Variants in SPATA31H1 observed in about 807,000 individuals in gnomAD.
The protein encoded by SPATA31H1 is SPATA31 subfamily H member 1.
the SPATA31H1 span, among the ~76,000 whole-genome samples, chr2:27,550,009 A>T: frequency 6.6e-6 from 1 of 151,856 alleles, no homozygotes; most frequent in Non-Finnish European, 1.5e-5. Flanking sequence ...AAAGATTTTT[A>T]TAAATTGACT....
At chr2:27,552,047 G>A in the SPATA31H1 span, among the ~76,000 whole-genome samples, 2 of 151,762 alleles carry the variant, frequency 1.3e-5, no homozygotes, top group Admixed American at 6.6e-5. Flanking sequence ...ATCTCTTGAC[G>A]TCATGATCCA....
the SPATA31H1 span, chr2:27,578,195 G>T: frequency 6.2e-7 from 1 of 1,614,146 alleles, no homozygotes; most frequent in East Asian, 2.2e-5. Flanking sequence ...AATATATTGA[G>T]TTGACTCCAA....
the SPATA31H1 span, among the ~76,000 whole-genome samples, chr2:27,555,702 T>C: frequency 6.6e-6 from 1 of 152,062 alleles, no homozygotes; most frequent in East Asian, 1.9e-4. Context: ...AATATCTAGG[T>C]AGGCACTTAG....
chr2:27,581,946 A>T, the SPATA31H1 span: 2 of 1,613,464 alleles, frequency 1.2e-6, no homozygotes, highest in Non-Finnish European at 1.7e-6. Context: ...AAGCCATCAC[A>T]GTCCCTCTGA....
the SPATA31H1 span, chr2:27,574,614 G>T: frequency 2.5e-6 from 1 of 398,450 alleles, no homozygotes; most frequent in South Asian, 1.3e-4. Context: ...TTTCAATTCT[G>T]GACAACAGAC....
chr2:27,578,829 C>T, the SPATA31H1 span: 5 of 1,614,146 alleles, frequency 3.1e-6, no homozygotes, highest in Non-Finnish European at 4.2e-6. Context: ...ATTAGGAGGA[C>T]TTTGGGATTC....
chr2:27,542,203 C>A, the SPATA31H1 span, among the ~76,000 whole-genome samples: 1 of 151,950 alleles, frequency 6.6e-6, no homozygotes, highest in African/African-American at 2.4e-5. Flanking sequence ...TCGAGACCAG[C>A]CTGGCAAACA....
At chr2:27,550,394 G>A in the SPATA31H1 span, among the ~76,000 whole-genome samples, 1 of 141,542 alleles carries the variant, frequency 7.1e-6, no homozygotes, top group Admixed American at 7.0e-5. Flanking sequence ...AATAGTTTTA[G>A]TATGAATGGG....
At chr2:27,579,219 C>G in the SPATA31H1 span, 3 of 1,614,072 alleles carry the variant, frequency 1.9e-6, no homozygotes, top group Non-Finnish European at 1.7e-6. Flanking sequence ...CTGGAGGCAG[C>G]GACTACCAAG....
the SPATA31H1 span, chr2:27,582,501 G>T: frequency 6.2e-7 from 1 of 1,610,356 alleles, no homozygotes; most frequent in Admixed American, 1.7e-5. Flanking sequence ...AGCAGGGCAA[G>T]TGTGGAGGCC....
the SPATA31H1 span, chr2:27,580,602 C>T: frequency 6.2e-7 from 1 of 1,614,130 alleles, no homozygotes; most frequent in South Asian, 1.1e-5. Flanking sequence ...ACCTAAGAAA[C>T]CTTCCCAACC....
At chr2:27,560,837 G>C in the SPATA31H1 span, among the ~76,000 whole-genome samples, 1 of 152,106 alleles carries the variant, frequency 6.6e-6, no homozygotes, top group African/African-American at 2.4e-5. Flanking sequence ...TGGCTTGAAG[G>C]TTTTTTGGGA....
chr2:27,570,191 T>C, the SPATA31H1 span: 5 of 398,728 alleles, frequency 1.3e-5, no homozygotes, highest in Non-Finnish European at 2.2e-5. Flanking sequence ...AGCTCGAAGA[T>C]ATAAAGTCTC....
At chr2:27,581,820 C>G in the SPATA31H1 span, 1 of 1,612,094 alleles carries the variant, frequency 6.2e-7, no homozygotes, top group Non-Finnish European at 8.5e-7. Context: ...TGAGAGAAGA[C>G]ATCACAGTCC....
chr2:27,541,776 CA>C, the SPATA31H1 span, among the ~76,000 whole-genome samples: 4 of 151,950 alleles, frequency 2.6e-5, no homozygotes, highest in South Asian at 8.3e-4. Context: ...CATATGTGAC[CA>C]TTTAAATTTT....
chr2:27,579,428 G>T, the SPATA31H1 span: 2 of 1,614,170 alleles, frequency 1.2e-6, no homozygotes, highest in Non-Finnish European at 8.5e-7. Flanking sequence ...CTATTTCTCA[G>T]CCTTCTGTGG....
At chr2:27,541,382 G>A in the SPATA31H1 span, among the ~76,000 whole-genome samples, 1 of 151,136 alleles carries the variant, frequency 6.6e-6, no homozygotes, top group Non-Finnish European at 1.5e-5. Context: ...GAGGGAGACC[G>A]TGGAAGGAGA....
the SPATA31H1 span, chr2:27,577,182 C>T: frequency 2.5e-6 from 4 of 1,613,920 alleles, no homozygotes; most frequent in South Asian, 3.3e-5. The surrounding 1 kb of genome is among the most constrained non-coding windows in gnomAD (Gnocchi z 4.5). Flanking sequence ...TCTTCAGGTA[C>T]CAAAATTTGT....
At chr2:27,541,261 G>GTGGCA in the SPATA31H1 span, among the ~76,000 whole-genome samples, 2 of 151,570 alleles carry the variant, frequency 1.3e-5, no homozygotes, top group African/African-American at 2.4e-5. Context: ...GTGGCGTGGC[G>GTGGCA]GCGAGCGCCT....
Sources: gnomAD v4.1 joint callset for allele counts (sites outside exome capture counted in the v4.1 genomes callset) on GRCh38, gnomAD v4.1.1 for gene constraint, Gnocchi (gnomAD v3.1) non-coding constraint, MANE v1.5 for transcripts, NCBI Gene and HGNC (gene_info 2026-07-23, HGNC 2026-07-21) for gene names.